ULK4: variants seen among roughly 807,000 people sequenced by gnomAD.
ULK4 encodes inactive serine/threonine-protein kinase ULK4.
ULK4 carries 133 observed loss-of-function variants against 160.6 expected under a neutral mutation model. The ratio of observed to expected loss-of-function variants is 0.83; its 90% confidence interval spans 0.72 to 0.96. The LOEUF is 0.96. Ranked by LOEUF, ULK4 falls within the 40% of genes least tolerant of loss-of-function variation. The pLI is 0.00. For missense variants in ULK4, 1,580 were observed against 1,499.5 expected, an observed-to-expected ratio of 1.05 and a Z score of -0.89; for synonymous variants, 534 against 539.8, an observed-to-expected ratio of 0.99 and a Z score of 0.15.
chr3:41,816,412 A>G (rs569360092), intron 19 of ULK4, among the ~76,000 whole-genome samples: 4 of 152,334 alleles, frequency 2.6e-5, no homozygotes, highest in African/African-American at 9.6e-5. Context: ...GGAAAAAAAC[A>G]AGTTTAAGAC....
intron 34 of ULK4, among the ~76,000 whole-genome samples, chr3:41,451,202 AG>A (rs907232128): frequency 3.9e-5 from 6 of 152,062 alleles, no homozygotes; most frequent in African/African-American, 1.4e-4. Flanking sequence ...TAAATATTCA[AG>A]GTAAGAAACC....
chr3:41,774,001 G>C (rs1280230141), intron 21 of ULK4, among the ~76,000 whole-genome samples: 2 of 152,142 alleles, frequency 1.3e-5, no homozygotes, highest in Admixed American at 6.6e-5. Context: ...AATGGTGCTG[G>C]GAAAACTGGC....
At chr3:41,331,931 C>T (rs2080450793) in intron 35 of ULK4, among the ~76,000 whole-genome samples, 1 of 152,168 alleles carries the variant, frequency 6.6e-6, no homozygotes, top group African/African-American at 2.4e-5. Flanking sequence ...AAAATTATAA[C>T]TAATAATTTA....
At chr3:41,321,035 C>T (rs759266821) in intron 35 of ULK4, among the ~76,000 whole-genome samples, 3 of 151,752 alleles carry the variant, frequency 2.0e-5, no homozygotes, top group Non-Finnish European at 4.4e-5. Flanking sequence ...AGCCTGGAAA[C>T]TGTCCATGGA....
intron 34 of ULK4, among the ~76,000 whole-genome samples, chr3:41,418,862 G>A (rs2125834213): frequency 6.6e-6 from 1 of 152,310 alleles, no homozygotes; most frequent in East Asian, 1.9e-4. Context: ...TAGAGGGGCT[G>A]GCAGACAGTG....
rs969183936 is a variant in ULK4, at chr3:41,819,462, C to T, written c.1809G>A (p.Leu603=). Reference sequence around the variant, plus strand: ...ACCTCATTAGCACTGTGTATGCAGCCAAGGGAACAGCCCAGCACTCTCTAG... The same window carrying T: ...ACCTCATTAGCACTGTGTATGCAGCTAAGGGAACAGCCCAGCACTCTCTAG... ...KNPRECWAVP[L]AAYTVLMRCL... Residue 603 remains leucine, a synonymous_variant, in exon 19 of 37, where the codon TTG becomes TTA. Transcript: ENST00000301831. 1 of 1,613,396 alleles carries T rather than the reference C, an allele frequency of 6.2e-7. No homozygotes were observed. The highest frequency in any genetic ancestry group is 1.3e-5 in the African/African-American group (1 of 74,842).
chr3:41,807,900 G>C (rs1264419637), intron 19 of ULK4, among the ~76,000 whole-genome samples: 1 of 152,028 alleles, frequency 6.6e-6, no homozygotes, highest in Non-Finnish European at 1.5e-5. Context: ...AATAAAATGT[G>C]ACATCCATTT....
intron 22 of ULK4, among the ~76,000 whole-genome samples, chr3:41,729,814 T>C (rs1218354064): frequency 2.6e-5 from 4 of 152,182 alleles, no homozygotes; most frequent in Non-Finnish European, 4.4e-5. Flanking sequence ...ACTGAAGTAC[T>C]CACAGGCATT....
At chr3:41,597,346 C>A (rs1423631347) in intron 31 of ULK4, among the ~76,000 whole-genome samples, 2 of 152,144 alleles carry the variant, frequency 1.3e-5, no homozygotes, top group African/African-American at 4.8e-5. Flanking sequence ...ACATTGGTGG[C>A]TTTTTTCCCT....
At chr3:41,771,094 C>A (rs7615148) in intron 21 of ULK4, among the ~76,000 whole-genome samples, 10,967 of 152,124 alleles carry the variant, frequency 0.072, 1,249 homozygotes, top group African/African-American at 0.24. Flanking sequence ...GCTAATAATA[C>A]GGCTTACCAT....
rs745983606 is a variant in ULK4, at chr3:41,715,446, C to T, written c.2577+1G>A. 6.2e-7 allele frequency: 1 copy of T among 1,614,070 alleles called. No homozygotes were observed. Among genetic ancestry groups the T allele is most frequent in the Admixed American group, 1.7e-5 (1 of 60,004 alleles). ...CCTTTTCCTCCTCAATACAATAGTA[C>T]CTGTGAAGTTACGAGGTGAAGCACT... is the stretch of plus-strand genomic sequence containing the variant. On this transcript the variant is annotated splice_donor_variant, in intron 24 of 36. Transcript: ENST00000301831. LOFTEE classifies it high-confidence loss of function.
intron 32 of ULK4, among the ~76,000 whole-genome samples, chr3:41,499,108 T>C (rs1429637091): frequency 6.6e-6 from 1 of 152,214 alleles, no homozygotes; most frequent in Non-Finnish European, 1.5e-5. Flanking sequence ...TTATATGAAA[T>C]GTCTAGAAAA....
At chr3:41,662,722 C>A (rs2035218092) in intron 30 of ULK4, among the ~76,000 whole-genome samples, 1 of 152,116 alleles carries the variant, frequency 6.6e-6, no homozygotes, top group Non-Finnish European at 1.5e-5. Flanking sequence ...ACCACCTGTA[C>A]AAGAAAAGTA....
intron 27 of ULK4, among the ~76,000 whole-genome samples, chr3:41,696,969 GGAGATCCTTCCCTTA>G (rs2125816193): frequency 6.6e-6 from 1 of 152,280 alleles, no homozygotes; most frequent in South Asian, 2.1e-4. Flanking sequence ...AGGCAAGGAA[GGAGATCCTTCCCTTA>G]GAGCCTCTGG....
intron 34 of ULK4, among the ~76,000 whole-genome samples, chr3:41,446,879 A>G (rs924762325): frequency 6.6e-6 from 1 of 151,822 alleles, no homozygotes; most frequent in Admixed American, 6.6e-5. Context: ...AAGCATAATA[A>G]AAGAATAGAA....
intron 22 of ULK4, among the ~76,000 whole-genome samples, chr3:41,721,279 T>TTTTTG (rs59279977): frequency 4.0e-5 from 4 of 98,922 alleles, no homozygotes; most frequent in African/African-American, 8.7e-5. Flanking sequence ...TTTTTTTTTT[T>TTTTTG]TTTTTGGGTT....
intron 4 of ULK4, among the ~76,000 whole-genome samples, chr3:41,935,209 ATTTT>A (rs10524611): frequency 3.0e-5 from 4 of 135,548 alleles, no homozygotes; most frequent in African/African-American, 1.3e-4. Flanking sequence ...TTATTTATTT[ATTTT>A]TTTTTTTTTT....
intron 35 of ULK4, among the ~76,000 whole-genome samples, chr3:41,314,283 G>C (rs1182142272): frequency 2.0e-5 from 3 of 152,104 alleles, no homozygotes; most frequent in African/African-American, 7.2e-5. Context: ...GTAAAGTCTG[G>C]GCTTTTAGTG....
At chr3:41,370,611 G>T (rs2081344900) in intron 35 of ULK4, among the ~76,000 whole-genome samples, 1 of 152,166 alleles carries the variant, frequency 6.6e-6, no homozygotes. Context: ...TGCCACGAGC[G>T]ACGGAGCTAT....
Sources: allele counts gnomAD v4.1 joint callset (sites outside exome capture counted in the v4.1 genomes callset), GRCh38; gene constraint gnomAD v4.1.1; transcripts MANE v1.5; gene names NCBI Gene and HGNC (gene_info 2026-07-23, HGNC 2026-07-21).